Variants in PIK3R6 observed in about 807,000 individuals in gnomAD.
PIK3R6 encodes the protein phosphoinositide 3-kinase regulatory subunit 6.
PIK3R6 carries 91 observed loss-of-function variants against 84.9 expected under a neutral mutation model. That is an observed-to-expected ratio of 1.07 (90% CI 0.90 to 1.28). PIK3R6 has a LOEUF of 1.28. Among genes scored for constraint, PIK3R6 ranks in the 50% most tolerant of loss-of-function variants. The probability of loss-of-function intolerance (pLI) is 0.00; values close to 1 mark genes in which losing one functional copy is unlikely to be tolerated. For synonymous variants in PIK3R6, 416 were observed against 411.4 expected, an observed-to-expected ratio of 1.01 and a Z score of -0.13; for missense variants, 996 against 985.1, an observed-to-expected ratio of 1.01 and a Z score of -0.15.
chr17:8,865,753 A>C (rs1235502898), intron 1 of PIK3R6, among the ~76,000 whole-genome samples: 1 of 151,722 alleles, frequency 6.6e-6, no homozygotes, highest in Non-Finnish European at 1.5e-5. Flanking sequence ...CAGATTCCCA[A>C]GGAGCCGGGA....
intron 1 of PIK3R6, among the ~76,000 whole-genome samples, chr17:8,864,557 T>TTTTG (rs2089360628): frequency 7.9e-6 from 1 of 127,144 alleles, no homozygotes; most frequent in African/African-American, 3.5e-5. Context: ...TTTTTTTTTT[T>TTTTG]AGACAGAGTC....
chr17:8,860,698 T>C (rs565098597), intron 1 of PIK3R6, among the ~76,000 whole-genome samples: 2 of 152,252 alleles, frequency 1.3e-5, no homozygotes, highest in African/African-American at 4.8e-5. Flanking sequence ...CTGGAAGATC[T>C]AGCAACACCA....
At chr17:8,827,134 T>A in intron 13 of PIK3R6, 38 bp downstream of exon 13, 1 of 1,605,292 alleles carries the variant, frequency 6.2e-7, no homozygotes. Context: ...CCCACTCCCG[T>A]CCCTCTCTCC....
In PIK3R6 at chr17:8,828,136, G is replaced by A. The variant is rs754400988; in HGVS notation, c.1368C>T (p.Tyr456=). 2.5e-6 allele frequency: 4 copies of A among 1,613,896 alleles called. No individual in the cohort carries two copies. Among genetic ancestry groups the A allele is most frequent in the African/African-American group, 1.3e-5 (1 of 74,946 alleles). ...CLTPRLSLQL[Y]YIPVLAPEKP... ...CCTCAGGCGCCAGCACGGGGATGTA[G>A]TAGAGCTGCAGGCTGAGTCTGGGAG... is the stretch of plus-strand genomic sequence containing the variant. The change falls in exon 12 of 20, where the codon TAC becomes TAT. Residue 456 remains tyrosine, a synonymous_variant. Coordinates refer to ENST00000619866, the MANE Select transcript of PIK3R6 (RefSeq NM_001010855.4).
At chr17:8,832,549 A>ATT (rs71135926) in intron 9 of PIK3R6, among the ~76,000 whole-genome samples, 7,953 of 133,490 alleles carry the variant, frequency 0.06, 590 homozygotes, top group East Asian at 0.3. Context: ...CGCCCAGCTG[A>ATT]TTTTTTTTTT....
At chr17:8,830,529 AGTG>A in intron 9 of PIK3R6, among the ~76,000 whole-genome samples, 1 of 152,278 alleles carries the variant, frequency 6.6e-6, no homozygotes, top group South Asian at 2.1e-4. Flanking sequence ...GAGAGCAGCT[AGTG>A]TTCACTGAGC....
chr17:8,835,320 C>A lies in PIK3R6; in HGVS notation c.598G>T (p.Ala200Ser), dbSNP rs763634771. The A allele has an allele frequency of 6.2e-7, 1 of 1,601,654 alleles. No homozygotes were observed. Among genetic ancestry groups the A allele is most frequent in the Non-Finnish European group, 8.5e-7 (1 of 1,172,238 alleles). The change falls in exon 8 of 20, where the codon GCT becomes TCT. Residue 200 changes from alanine to serine, a missense_variant. Physicochemically the swap from Ala to Ser is moderately conservative, Grantham distance 99. Coordinates refer to ENST00000619866, the MANE Select transcript of PIK3R6 (RefSeq NM_001010855.4). ...CCTGCGTGACAGGCCTCCCCCAGAG[C>A]CGCCTGCAGGGCGTGGGAGACCACG... is the stretch of plus-strand genomic sequence containing the variant. The part of the protein sequence containing the change: ...RHVVSHALQA[A>S]LGEACHAGAL...
chr17:8,857,562 G>C (rs1208773401), intron 1 of PIK3R6, among the ~76,000 whole-genome samples: 1 of 152,152 alleles, frequency 6.6e-6, no homozygotes, highest in Non-Finnish European at 1.5e-5. Context: ...AAATCTCACA[G>C]ATAAAGACTA....
rs1366071275 is a variant in PIK3R6, at chr17:8,804,030, C to T, written c.2108+11G>A. ...GCCCTGGACATCTAGGGTTGGCAGG[C>T]CCAGCCTCACCTGACCACATCCCTG... On this transcript the variant is annotated intron_variant, in intron 19 of 19. Transcript: ENST00000619866. 17 of 1,610,322 alleles carry T rather than the reference C, an allele frequency of 1.1e-5. No individual in the cohort carries two copies. Among genetic ancestry groups the T allele is most frequent in the Non-Finnish European group, 1.4e-5 (17 of 1,176,830 alleles).
intron 1 of PIK3R6, among the ~76,000 whole-genome samples, chr17:8,859,785 GGACTCA>G (rs1270960608): frequency 2.0e-5 from 3 of 152,172 alleles, no homozygotes; most frequent in Admixed American, 2.0e-4. Flanking sequence ...TCAGGCCTTT[GGACTCA>G]GACTGGAATT....
At chr17:8,867,139 TAA>T (rs1158091241) in intron 1 of PIK3R6, among the ~76,000 whole-genome samples, 1 of 152,152 alleles carries the variant, frequency 6.6e-6, no homozygotes, top group Non-Finnish European at 1.5e-5. Context: ...AAAATGGCAC[TAA>T]AACACTTATC....
At chr17:8,822,858 C>T (rs1597391194) in intron 15 of PIK3R6, 138 bp downstream of exon 15, 2 of 960,848 alleles carry the variant, frequency 2.1e-6, no homozygotes, top group Admixed American at 4.3e-5. Flanking sequence ...CCTTGGCATT[C>T]AGCAGAGGTA....
chr17:8,842,328 A>G lies in PIK3R6; in HGVS notation c.14-2631T>C, dbSNP rs1159497914. Among the ~76,000 whole-genome samples, 3 of 152,176 alleles carry G rather than the reference A, an allele frequency of 2.0e-5. No individual in the cohort carries two copies. Among genetic ancestry groups the G allele is most frequent in the Non-Finnish European group, 2.9e-5 (2 of 68,040 alleles). On this transcript the variant is annotated intron_variant, in intron 2 of 19. Coordinates refer to ENST00000619866, the MANE Select transcript of PIK3R6 (RefSeq NM_001010855.4). This position sits in a 1 kb window ranked among gnomAD's most constrained non-coding sequence, Gnocchi z 4.5. ...ATACACGGTATGGTAGTGGTTCTAA[A>G]GCAGGACCTTCCCCAGGAGACGCTC...
chr17:8,817,086 A>T (rs2087565405), intron 18 of PIK3R6, among the ~76,000 whole-genome samples: 1 of 152,206 alleles, frequency 6.6e-6, no homozygotes, highest in Non-Finnish European at 1.5e-5. Context: ...TAATGACACA[A>T]AACATATTTA....
intron 17 of PIK3R6, among the ~76,000 whole-genome samples, chr17:8,819,885 C>T (rs1472085819): frequency 6.9e-6 from 1 of 145,374 alleles, no homozygotes; most frequent in African/African-American, 2.5e-5. Flanking sequence ...TATATACACA[C>T]ACACGTATAT....
Position 8,835,299 on chromosome 17 carries a change from C to T in PIK3R6, c.619G>A (p.Ala207Thr), listed in dbSNP as rs369528341. 19 of 1,583,348 alleles carry T rather than the reference C, an allele frequency of 1.2e-5. No homozygotes were observed. The highest frequency in any genetic ancestry group is 6.8e-5 in the South Asian group (6 of 88,254). Residue 207 changes from alanine to threonine, a missense_variant, in exon 8 of 20, where the codon GCA becomes ACA. Coordinates refer to ENST00000619866, the MANE Select transcript of PIK3R6 (RefSeq NM_001010855.4). The part of the protein sequence containing the change: ...LQAALGEACH[A>T]GALHRKLQAS... Reference sequence around the variant, plus strand: ...TGCAGCTTCCTGTGCAGAGCGCCTGCGTGACAGGCCTCCCCCAGAGCCGCC... The same window carrying T: ...TGCAGCTTCCTGTGCAGAGCGCCTGTGTGACAGGCCTCCCCCAGAGCCGCC...
At chr17:8,804,313 T>G (rs1020806417) in intron 18 of PIK3R6, among the ~76,000 whole-genome samples, 160 bp from the exon 19 acceptor site, 7 of 152,198 alleles carry the variant, frequency 4.6e-5, no homozygotes, top group Admixed American at 1.3e-4. Context: ...CTGCACAAAC[T>G]GCTTCTAGGC....
In PIK3R6 at chr17:8,827,198, G is replaced by T; in HGVS notation, c.1489C>A (p.Pro497Thr). 2 of 1,612,300 alleles carry T rather than the reference G, an allele frequency of 1.2e-6. No individual in the cohort carries two copies. The highest frequency in any genetic ancestry group is 1.7e-6 in the Non-Finnish European group (2 of 1,179,336). ...ATCTCAGCCAGCTTGTGGATGGCGG[G>T]GCACAGCGTGTTGACGTTGCTCTGG... ...WYQSNVNTLC[P>T]AIHKLAEMPP... Residue 497 changes from proline (P) to threonine (T), a missense_variant, in exon 13 of 20, where the codon CCC becomes ACC. By Grantham distance (38) the Pro-to-Thr change is conservative (BLOSUM62 -1). Coordinates refer to ENST00000619866, the MANE Select transcript of PIK3R6 (RefSeq NM_001010855.4).
chr17:8,829,803 G>A lies in PIK3R6; in HGVS notation c.803-11C>T. The stretch of plus-strand genomic sequence containing the variant: ...CTTGGACAAGGTCACCTGCAGAAAG[G>A]AGCAGGCTGTGGAGGCCATGGAGGA... On this transcript the variant is annotated splice_polypyrimidine_tract_variant and intron_variant, in intron 9 of 19. Coordinates refer to ENST00000619866, the MANE Select transcript of PIK3R6 (RefSeq NM_001010855.4). The A allele has an allele frequency of 6.5e-7, 1 of 1,548,860 alleles. No individual in the cohort carries two copies. The highest frequency in any genetic ancestry group is 1.2e-5 in the South Asian group (1 of 83,824).
Sources: gnomAD v4.1 joint callset for allele counts (sites outside exome capture counted in the v4.1 genomes callset) on GRCh38, gnomAD v4.1.1 for gene constraint, Gnocchi (gnomAD v3.1) non-coding constraint, MANE v1.5 for transcripts, NCBI Gene and HGNC (gene_info 2026-07-23, HGNC 2026-07-21) for gene names.